Variants in ANKRD52 observed in about 807,000 individuals in gnomAD.
ANKRD52 encodes the protein ankyrin repeat domain 52.
ANKRD52 carries 7 observed loss-of-function variants against 116.0 expected under a neutral mutation model. The ratio of observed to expected loss-of-function variants is 0.06; its 90% CI spans 0.03 to 0.11. The LOEUF is 0.11. Among genes scored for constraint, ANKRD52 ranks in the 10% least tolerant of loss-of-function variants. ANKRD52 has a pLI of 1.00. For missense variants in ANKRD52, 839 were observed against 1,408.6 expected, an observed-to-expected ratio of 0.60 and a Z score of 6.47; for synonymous variants, 528 against 578.1, an observed-to-expected ratio of 0.91 and a Z score of 1.24.
Position 56,243,415 on chromosome 12 carries a change from T to C in ANKRD52, c.2981-23A>G, listed in dbSNP as rs923238283. The C allele has an allele frequency of 1.2e-6, 2 of 1,610,934 alleles. No individual in the cohort carries two copies. Among genetic ancestry groups the C allele is most frequent in the African/African-American group, 2.7e-5 (2 of 74,850 alleles). Reference sequence around the variant, plus strand: ...GACCTGCAGGGCCAAGGGGGAGAACTGAGGCATAGAGTCCTGTATCCTAGC... The same window carrying C: ...GACCTGCAGGGCCAAGGGGGAGAACCGAGGCATAGAGTCCTGTATCCTAGC... On this transcript the variant is annotated intron_variant, in intron 27 of 27. Coordinates refer to ENST00000267116, the MANE Select transcript of ANKRD52 (RefSeq NM_173595.4). The surrounding 1 kb of genome is among the most constrained non-coding windows in gnomAD (Gnocchi z 4.6).
Position 56,242,821 on chromosome 12 carries a change from G to T in ANKRD52, c.*321C>A. 1 of 337,352 alleles carries T rather than the reference G, an allele frequency of 3.0e-6. No individual in the cohort carries two copies. The allele number at this position is 337,352 out of a possible 1,614,324, so 20.9% of individuals were successfully genotyped here. A position where few individuals can be genotyped will look rare whatever the true frequency, so the allele number is the denominator to read the frequency against. On this transcript the variant is annotated 3_prime_UTR_variant, in exon 28 of 28. Transcript: ENST00000267116. This position sits in a 1 kb window ranked among gnomAD's most constrained non-coding sequence, Gnocchi z 4.3. ...AGGAGTCCCCAGGGAAGAGTCGGGG[G>T]AGCTGGCAGCAGAAAGAGGGAACCA...
chr12:56,248,223 G>C lies in ANKRD52; in HGVS notation c.1778C>G (p.Ala593Gly). ...TIPVSPLHLAAYNGHCEALKT... is the reference protein window; with the variant it reads ...TIPVSPLHLAGYNGHCEALKT... ...CAAGGCTTCACAGTGACCGTTGTAGGCCTGGCAAGGTGCAGGCAACCAGTG... is the reference window on the plus strand; with the variant it reads ...CAAGGCTTCACAGTGACCGTTGTAGCCCTGGCAAGGTGCAGGCAACCAGTG... Residue 593 changes from alanine (A) to glycine (G), a missense_variant and splice_region_variant, in exon 18 of 28, where the codon GCC (alanine) becomes GGC (glycine). Coordinates refer to ENST00000267116, the MANE Select transcript of ANKRD52 (RefSeq NM_173595.4). This position sits in a 1 kb window ranked among gnomAD's most constrained non-coding sequence, Gnocchi z 5.1. The C allele has an allele frequency of 6.2e-7, 1 of 1,613,552 alleles. No individual in the cohort carries two copies. Among genetic ancestry groups the C allele is most frequent in the Non-Finnish European group, 8.5e-7 (1 of 1,179,864 alleles).
chr12:56,257,678 C>A (rs1872023715), intron 2 of ANKRD52, 150 bp downstream of exon 2: 3 of 789,314 alleles, frequency 3.8e-6, no homozygotes, highest in Middle Eastern at 5.4e-4. Flanking sequence ...CTCTCCATCC[C>A]CAAATGCAGA....
rs1565605048 is a variant in ANKRD52 at position 56,239,679 on chromosome 12, A to G, written c.*3463T>C. On this transcript the variant is annotated 3_prime_UTR_variant, in exon 28 of 28. Transcript: ENST00000267116. ...CCCGGCCCCAATCCCACCTCTCAGG[A>G]CTCCTTCCAAGACCCTGGAGGAGGT... The G allele has an allele frequency of 6.6e-6, 1 of 151,820 alleles. No individual in the cohort carries two copies. The highest frequency in any genetic ancestry group is 1.5e-5 in the Non-Finnish European group (1 of 68,070). 9.4% of individuals were successfully genotyped at this position (151,820 alleles called of 1,614,324 possible). A position where few individuals can be genotyped will look rare whatever the true frequency, so the allele number is the denominator to read the frequency against.
chr12:56,240,075 C>G lies in ANKRD52; in HGVS notation c.*3067G>C, dbSNP rs1871095323. On this transcript the variant is annotated 3_prime_UTR_variant, in exon 28 of 28. Transcript: ENST00000267116. This position sits in a 1 kb window ranked among gnomAD's most constrained non-coding sequence, Gnocchi z 4.2. ...CCCCAGGGGCTGCTCCCCACCCCAA[C>G]CTGGGCTGTACATTCAGTGGTTTTC... 6.6e-6 allele frequency: 1 copy of G among 152,232 alleles called. No individual in the cohort carries two copies. The allele number at this position is 152,232 out of a possible 1,614,324, so 9.4% of individuals were successfully genotyped here.
rs1057215768 is a variant in ANKRD52, at chr12:56,248,441, G to A, written c.1776+54C>T. On this transcript the variant is annotated intron_variant, in intron 17 of 27. Coordinates refer to ENST00000267116, the MANE Select transcript of ANKRD52 (RefSeq NM_173595.4). This position sits in a 1 kb window ranked among gnomAD's most constrained non-coding sequence, Gnocchi z 5.1. The stretch of plus-strand genomic sequence containing the variant: ...TCACAAGTGCTGGCACCTTTGTTAG[G>A]GCCTGGGAACAGGTAGGACAAGGAA... 1.3e-6 allele frequency: 2 copies of A among 1,537,802 alleles called. No individual in the cohort carries two copies. The highest frequency in any genetic ancestry group is 1.4e-5 in the African/African-American group (1 of 72,894).
chr12:56,248,913 C>G lies in ANKRD52; in HGVS notation c.1593-43G>C. The G allele has an allele frequency of 7.0e-7, 1 of 1,424,902 alleles. No homozygotes were observed. The allele number at this position is 1,424,902 out of a possible 1,614,324, so 88.3% of individuals were successfully genotyped here. ...GACTGTGAGGCAGGGACAGGCCCAG[C>G]CCAGGAGGGCACAGTTCTGGGAGGG... On this transcript the variant is annotated intron_variant, in intron 15 of 27. Coordinates refer to ENST00000267116, the MANE Select transcript of ANKRD52 (RefSeq NM_173595.4). The surrounding 1 kb of genome is among the most constrained non-coding windows in gnomAD (Gnocchi z 5.1).
At position 56,244,640 on chromosome 12, in the gene ANKRD52, G is replaced by A; in HGVS notation, c.2722+12C>T. The A allele has an allele frequency of 6.2e-7, 1 of 1,613,296 alleles. No homozygotes were observed. Among genetic ancestry groups the A allele is most frequent in the Non-Finnish European group, 8.5e-7 (1 of 1,179,798 alleles). On this transcript the variant is annotated intron_variant, in intron 24 of 27. Coordinates refer to ENST00000267116, the MANE Select transcript of ANKRD52 (RefSeq NM_173595.4). This position sits in a 1 kb window ranked among gnomAD's most constrained non-coding sequence, Gnocchi z 4.9. Reference sequence around the variant, plus strand: ...GGGGAGCTCCTCCCTTCCACAAGTGGCCCCTACACACCCACAGCAGCGGTC... The same window carrying A: ...GGGGAGCTCCTCCCTTCCACAAGTGACCCCTACACACCCACAGCAGCGGTC...
In ANKRD52 at chr12:56,238,195, G is replaced by A. The variant is rs1871007482; in HGVS notation, c.*4947C>T. On this transcript the variant is annotated 3_prime_UTR_variant, in exon 28 of 28. Transcript: ENST00000267116. ...GGAATGGGAAAATTGCTTAGAGAAAGATTCCACTAGAATCCAGTGAATTGT... is the reference window on the plus strand; with the variant it reads ...GGAATGGGAAAATTGCTTAGAGAAAAATTCCACTAGAATCCAGTGAATTGT... 1 of 159,494 alleles carries A rather than the reference G, an allele frequency of 6.3e-6. No homozygotes were observed. Among genetic ancestry groups the A allele is most frequent in the Non-Finnish European group, 1.4e-5 (1 of 73,160 alleles). The allele number at this position is 159,494 out of a possible 1,614,324, so 9.9% of individuals were successfully genotyped here.
rs749823677 is a variant in ANKRD52, at chr12:56,254,617, C to G, written c.654G>C (p.Gln218His). ...GAAGCAGGTACTTCACCACTTCAAT[C>G]TGGCCACTGGCAGCAGCTGTATGGA... Reference protein sequence around the residue: ...GLLHTAAASGQIEVVKYLLRM... With the variant: ...GLLHTAAASGHIEVVKYLLRM... Residue 218 changes from glutamine (Q) to histidine (H), a missense_variant, in exon 7 of 28, where the codon CAG (glutamine) becomes CAC (histidine). Physicochemically the swap from Gln to His is conservative, Grantham distance 24 (BLOSUM62 0). Around this residue, in one of 2 missense-constraint regions of ANKRD52, gnomAD observed 287 missense variants for 598.1 expected, o/e 0.48. Transcript: ENST00000267116. The surrounding 1 kb of genome is among the most constrained non-coding windows in gnomAD (Gnocchi z 4.6). 2 of 1,613,986 alleles carry G rather than the reference C, an allele frequency of 1.2e-6. No individual in the cohort carries two copies. Among genetic ancestry groups the G allele is most frequent in the Non-Finnish European group, 1.7e-6 (2 of 1,179,894 alleles).
intron 21 of ANKRD52, 83 bp downstream of exon 21, chr12:56,245,294 G>T: frequency 6.2e-7 from 1 of 1,600,786 alleles, no homozygotes; most frequent in Non-Finnish European, 8.5e-7. Flanking sequence ...GATCAACCCA[G>T]GTCCCCCCCA....
intron 15 of ANKRD52, among the ~76,000 whole-genome samples, chr12:56,250,651 A>C (rs1036090115): frequency 6.6e-6 from 1 of 151,214 alleles, no homozygotes; most frequent in Admixed American, 6.6e-5. Flanking sequence ...TGGGAGTCTG[A>C]GGCAGGAGGA....
chr12:56,258,359 G>C lies in ANKRD52; in HGVS notation c.-90C>G. ...ACGGAGCGGCCCAGGCGGCGGCTGCGGTGGCGGCTGCAGGGAGAGCGCGGC... is the reference window on the plus strand; with the variant it reads ...ACGGAGCGGCCCAGGCGGCGGCTGCCGTGGCGGCTGCAGGGAGAGCGCGGC... On this transcript the variant is annotated 5_prime_UTR_variant, in exon 1 of 28. Coordinates refer to ENST00000267116, the MANE Select transcript of ANKRD52 (RefSeq NM_173595.4). 1 of 1,349,850 alleles carries C rather than the reference G, an allele frequency of 7.4e-7. No individual in the cohort carries two copies. The highest frequency in any genetic ancestry group is 1.8e-5 in the South Asian group (1 of 55,362). 83.6% of individuals were successfully genotyped at this position (1,349,850 alleles called of 1,614,324 possible).
chr12:56,254,023 C>T lies in ANKRD52; in HGVS notation c.906+44G>A. 6.4e-7 allele frequency: 1 copy of T among 1,572,964 alleles called. No individual in the cohort carries two copies. The highest frequency in any genetic ancestry group is 8.7e-7 in the Non-Finnish European group (1 of 1,144,980). On this transcript the variant is annotated intron_variant, in intron 8 of 27. Transcript: ENST00000267116. The surrounding 1 kb of genome is among the most constrained non-coding windows in gnomAD (Gnocchi z 4.6). ...CAGATACAGTCAGGACCCCTAGATC[C>T]AAGTTTCGCTCCCCACTGGTCTAAG... is the stretch of plus-strand genomic sequence containing the variant.
At position 56,243,940 on chromosome 12, in the gene ANKRD52, G is replaced by A. The variant is rs1408250450; in HGVS notation, c.2889-64C>T. 1.9e-6 allele frequency: 3 copies of A among 1,599,542 alleles called. No individual in the cohort carries two copies. The highest frequency in any genetic ancestry group is 2.6e-6 in the Non-Finnish European group (3 of 1,171,700). On this transcript the variant is annotated intron_variant, in intron 26 of 27. Coordinates refer to ENST00000267116, the MANE Select transcript of ANKRD52 (RefSeq NM_173595.4). The surrounding 1 kb of genome is among the most constrained non-coding windows in gnomAD (Gnocchi z 4.6). Reference sequence around the variant, plus strand: ...TGCCCTTCCACCTCCAGACAGGGTGGCAAGGGTGCTGAACAAATACAATGG... The same window carrying A: ...TGCCCTTCCACCTCCAGACAGGGTGACAAGGGTGCTGAACAAATACAATGG...
chr12:56,253,292 C>T lies in ANKRD52; in HGVS notation c.1096G>A (p.Ala366Thr), dbSNP rs773204692. 5 of 1,612,552 alleles carry T rather than the reference C, an allele frequency of 3.1e-6. No individual in the cohort carries two copies. The highest frequency in any genetic ancestry group is 1.1e-5 in the South Asian group (1 of 90,992). The change falls in exon 10 of 28, where the codon GCC becomes ACC. Residue 366 changes from alanine to threonine, a missense_variant. Physicochemically the swap from Ala to Thr is moderately conservative, Grantham distance 58. This residue lies in a region of ANKRD52 where 287 missense variants were observed against 598.1 expected (regional missense o/e 0.48). Transcript: ENST00000267116. The surrounding 1 kb of genome is among the most constrained non-coding windows in gnomAD (Gnocchi z 5.5). Reference sequence around the variant, plus strand: ...GGAGTCGGGGCCCTGACTCACCGGGCGGTATCTGCGCCATTGGTCATGAGG... The same window carrying T: ...GGAGTCGGGGCCCTGACTCACCGGGTGGTATCTGCGCCATTGGTCATGAGG... ...STLMTNGADT[A>T]RRGIHDMFPL... is the part of the protein sequence containing the mutation.
rs1047756771 is a variant in ANKRD52, at chr12:56,255,727, G to A, written c.462+57C>T. 1.3e-6 allele frequency: 2 copies of A among 1,490,746 alleles called. No individual in the cohort carries two copies. The highest frequency in any genetic ancestry group is 1.4e-5 in the African/African-American group (1 of 72,028). 92.3% of individuals were successfully genotyped at this position (1,490,746 alleles called of 1,614,324 possible). On this transcript the variant is annotated intron_variant, in intron 5 of 27. Transcript: ENST00000267116. This position sits in a 1 kb window ranked among gnomAD's most constrained non-coding sequence, Gnocchi z 4.3. Reference sequence around the variant, plus strand: ...AGGGCCCAGAAGCAGGGAAACGTGAGTAGGAAGGTAAGAAAAGGGAAAGCC... The same window carrying A: ...AGGGCCCAGAAGCAGGGAAACGTGAATAGGAAGGTAAGAAAAGGGAAAGCC...
At position 56,242,250 on chromosome 12, in the gene ANKRD52, T is replaced by C. The variant is rs1448236476; in HGVS notation, c.*892A>G. 2.5e-6 allele frequency: 1 copy of C among 398,434 alleles called. No individual in the cohort carries two copies. Among genetic ancestry groups the C allele is most frequent in the Non-Finnish European group, 4.4e-6 (1 of 226,076 alleles). 24.7% of individuals were successfully genotyped at this position (398,434 alleles called of 1,614,324 possible). A position where few individuals can be genotyped will look rare whatever the true frequency, so the allele number is the denominator to read the frequency against. ...TGAAATGGGCAGGAAATTAATTTGT[T>C]TCTTCCCCTAAAGGATAAAACGCTT... On this transcript the variant is annotated 3_prime_UTR_variant, in exon 28 of 28. Transcript: ENST00000267116. The surrounding 1 kb of genome is among the most constrained non-coding windows in gnomAD (Gnocchi z 4.3).
rs1871264405 is a variant in ANKRD52 at position 56,243,587 on chromosome 12, A to G, written c.2981-195T>C. 6.6e-6 allele frequency among the ~76,000 whole-genome samples: 1 copy of G among 152,170 alleles called. No homozygotes were observed. The highest frequency in any genetic ancestry group is 2.1e-4 in the South Asian group (1 of 4,828). On this transcript the variant is annotated intron_variant, in intron 27 of 27. Coordinates refer to ENST00000267116, the MANE Select transcript of ANKRD52 (RefSeq NM_173595.4). This position sits in a 1 kb window ranked among gnomAD's most constrained non-coding sequence, Gnocchi z 4.6. ...GTACGGGTTAAAGGGCGGGCATGGG[A>G]GTCAAAGCCTAGGGTGTGGAGTCCT...
Sources: gnomAD v4.1 joint callset for allele counts (sites outside exome capture counted in the v4.1 genomes callset) on GRCh38, gnomAD v4.1.1 for gene constraint, gnomAD v4.1.1 regional missense constraint, Gnocchi (gnomAD v3.1) non-coding constraint, MANE v1.5 for transcripts, NCBI Gene and HGNC (gene_info 2026-07-23, HGNC 2026-07-21) for gene names.